Variants in FYB1 observed in about 807,000 individuals in gnomAD.
FYB1 encodes the protein FYN binding protein 1.
In FYB1, 41 loss-of-function variants were observed where a neutral mutation model predicts 94.1. The ratio of observed to expected loss-of-function variants is 0.44; its 90% CI spans 0.34 to 0.57. FYB1 has a LOEUF of 0.57. Ranked by LOEUF, FYB1 falls within the 20% of genes least tolerant of loss-of-function variation. The probability of loss-of-function intolerance (pLI) is 0.02; values close to 1 mark genes in which losing one functional copy is unlikely to be tolerated. For missense variants in FYB1, 1,050 were observed against 976.8 expected (o/e 1.07, Z -1.00); for synonymous variants, 367 against 353.2 (o/e 1.04, Z -0.44).
rs6451413 is a variant in FYB1 at position 39,137,278 on chromosome 5, A to G, written c.1515+322T>C. 72,342 of 229,552 alleles carry G rather than the reference A, an allele frequency of 0.32. 12,005 individuals are homozygous for G. The highest frequency in any genetic ancestry group is 0.45 in the African/African-American group (18,966 of 42,156). The allele number at this position is 229,552 out of a possible 1,614,324, so 14.2% of individuals were successfully genotyped here. On this transcript the variant is annotated intron_variant, in intron 7 of 18. Coordinates refer to ENST00000512982, the MANE Select transcript of FYB1 (RefSeq NM_001465.6). ...ATTTATGTGTGTGATGCTAATTCAT[A>G]GTATAAGTAGGCTAATATGAAATGC...
intron 1 of FYB1, among the ~76,000 whole-genome samples, chr5:39,210,851 A>G (rs1749301848): frequency 6.6e-6 from 1 of 152,212 alleles, no homozygotes; most frequent in South Asian, 2.1e-4. Flanking sequence ...TCTCTAGTAT[A>G]AATACATACA....
At chr5:39,258,816 ATCTT>A (rs1296646080) in intron 1 of FYB1, among the ~76,000 whole-genome samples, 3 of 152,160 alleles carry the variant, frequency 2.0e-5, no homozygotes, top group Non-Finnish European at 4.4e-5. Flanking sequence ...AAGAAGATAA[ATCTT>A]TCTGTTTTGG....
chr5:39,144,921 A>G (rs1466618795), intron 3 of FYB1, among the ~76,000 whole-genome samples: 1 of 152,252 alleles, frequency 6.6e-6, no homozygotes, highest in Non-Finnish European at 1.5e-5. Flanking sequence ...ATAATTGGAA[A>G]TTTGAACACT....
intron 2 of FYB1, chr5:39,169,258 G>A: frequency 8.9e-7 from 1 of 1,129,622 alleles, no homozygotes. Context: ...TAAGTCAACA[G>A]AACAATCATG....
At chr5:39,268,216 C>A (rs1752513550) in intron 1 of FYB1, among the ~76,000 whole-genome samples, 1 of 150,726 alleles carries the variant, frequency 6.6e-6, no homozygotes, top group African/African-American at 2.4e-5. Flanking sequence ...TGTTTCATTT[C>A]TGTATATTTA....
chr5:39,131,281 T>C (rs1741184736), intron 9 of FYB1, among the ~76,000 whole-genome samples: 1 of 152,198 alleles, frequency 6.6e-6, no homozygotes, highest in Non-Finnish European at 1.5e-5. Context: ...TCAAAGGAAA[T>C]GTAGACTGTG....
intron 1 of FYB1, among the ~76,000 whole-genome samples, chr5:39,260,321 T>C (rs180940097): frequency 6.6e-6 from 1 of 152,310 alleles, no homozygotes; most frequent in East Asian, 1.9e-4. Context: ...GCCACACCCA[T>C]TTATTATGCA....
At chr5:39,213,852 G>A (rs533140562) in intron 1 of FYB1, among the ~76,000 whole-genome samples, 1 of 152,136 alleles carries the variant, frequency 6.6e-6, no homozygotes, top group South Asian at 2.1e-4. Flanking sequence ...TCGTTCATTT[G>A]GCTGCAGCCT....
At chr5:39,217,687 T>C (rs149608592) in intron 1 of FYB1, among the ~76,000 whole-genome samples, 8 of 152,286 alleles carry the variant, frequency 5.3e-5, no homozygotes, top group African/African-American at 1.7e-4. Context: ...GCTCAGGATC[T>C]TGATTCTGGA....
intron 1 of FYB1, among the ~76,000 whole-genome samples, chr5:39,230,339 C>T (rs1028359195): frequency 5.9e-5 from 9 of 152,130 alleles, no homozygotes; most frequent in East Asian, 3.9e-4. Context: ...GGCCATGAGC[C>T]GAGGAATGCA....
At chr5:39,204,292 T>C (rs975137869) in intron 1 of FYB1, among the ~76,000 whole-genome samples, 4 of 152,194 alleles carry the variant, frequency 2.6e-5, no homozygotes, top group African/African-American at 9.7e-5. Context: ...CCCGTCTCAT[T>C]CTTACAGTAG....
chr5:39,224,700 C>T (rs749258184), intron 1 of FYB1, among the ~76,000 whole-genome samples: 1 of 152,176 alleles, frequency 6.6e-6, no homozygotes, highest in Non-Finnish European at 1.5e-5. Flanking sequence ...CTTCCCCTTA[C>T]TCAACTCAAC....
intron 16 of FYB1, among the ~76,000 whole-genome samples, chr5:39,115,098 ATT>A (rs10652993): frequency 6.9e-6 from 1 of 144,202 alleles, no homozygotes; most frequent in Admixed American, 6.9e-5. Context: ...GAAACACATA[ATT>A]TTTTTTTTTT....
At chr5:39,110,470 C>T (rs1369346794) in intron 16 of FYB1, 81 bp from the exon 17 acceptor site, 1 of 870,450 alleles carries the variant, frequency 1.1e-6, no homozygotes, top group Non-Finnish European at 1.9e-6. Context: ...AATCAAAACA[C>T]AAGAGAGTAA....
At chr5:39,209,623 C>T (rs1749178667) in intron 1 of FYB1, among the ~76,000 whole-genome samples, 1 of 151,934 alleles carries the variant, frequency 6.6e-6, no homozygotes, top group Non-Finnish European at 1.5e-5. Flanking sequence ...GCCACCGCAC[C>T]CGGCCTATTT....
chr5:39,255,466 C>T (rs1312142220), intron 1 of FYB1, among the ~76,000 whole-genome samples: 3 of 147,476 alleles, frequency 2.0e-5, no homozygotes, highest in Non-Finnish European at 3.0e-5. Flanking sequence ...AAGTTGCAGA[C>T]TTCAGTACCT....
At position 39,122,411 on chromosome 5, in the gene FYB1, A is replaced by G. The variant is rs563214737; in HGVS notation, c.2072-9T>C. The G allele has an allele frequency of 1.1e-4, 162 of 1,536,430 alleles. 1 individual carries two copies. The South Asian group carries it at 1.8e-3, about 17-fold the overall frequency. On this transcript the variant is annotated splice_polypyrimidine_tract_variant and intron_variant, in intron 13 of 18. Transcript: ENST00000512982. ...AACTTCATCTCCCATGTCTAACAAA[A>G]GACAGAATATCAAAGGTTGAAACAC...
At chr5:39,141,237 T>C (rs1742156629) in intron 3 of FYB1, 96 bp from the exon 4 acceptor site, 2 of 876,670 alleles carry the variant, frequency 2.3e-6, no homozygotes, top group Admixed American at 2.3e-5. Context: ...ATTGTTCTTT[T>C]TTCTTGAACC....
In FYB1 at chr5:39,176,589, A is replaced by G. The variant is rs146381898; in HGVS notation, c.1136-22985T>C. On this transcript the variant is annotated intron_variant, in intron 2 of 18. Coordinates refer to ENST00000512982, the MANE Select transcript of FYB1 (RefSeq NM_001465.6). ...ACAACCTGCAACTTTGGATGATCATATGATTGGTCTTCATTTCTTGATTAT... is the reference window on the plus strand; with the variant it reads ...ACAACCTGCAACTTTGGATGATCATGTGATTGGTCTTCATTTCTTGATTAT... Among the ~76,000 whole-genome samples, 46 of 152,368 alleles carry G rather than the reference A, an allele frequency of 3.0e-4. 1 individual carries two copies. In the East Asian group the frequency reaches 6.9e-3, roughly 23 times the overall value.
Sources: allele counts gnomAD v4.1 joint callset (sites outside exome capture counted in the v4.1 genomes callset), GRCh38; gene constraint gnomAD v4.1.1; transcripts MANE v1.5; gene names NCBI Gene and HGNC (gene_info 2026-07-23, HGNC 2026-07-21).